The following LAMB1 variants were observed in gnomAD, a reference collection of about 807,000 sequenced individuals.
LAMB1 encodes laminin subunit beta-1.
In LAMB1, 121 loss-of-function variants were observed where a neutral mutation model predicts 222.3. The ratio of observed to expected loss-of-function variants is 0.54; its 90% CI spans 0.47 to 0.63. LAMB1 has a LOEUF of 0.63. LAMB1 is among the 30% of genes least tolerant of loss of function. The probability of loss-of-function intolerance (pLI) is 0.00; values close to 1 mark genes in which losing one functional copy is unlikely to be tolerated. For missense variants in LAMB1, 2,172 were observed against 2,240.8 expected (o/e 0.97, Z 0.62); for synonymous variants, 794 against 807.2 (o/e 0.98, Z 0.28).
At chr7:107,926,424 T>C in intron 31 of LAMB1, 65 bp from the exon 32 acceptor site, 1 of 1,373,802 alleles carries the variant, frequency 7.3e-7, no homozygotes, top group Non-Finnish European at 1.0e-6. Context: ...TGAGTACAAG[T>C]TTGGAGGAAG....
At chr7:107,972,664 A>G (rs975412059) in intron 13 of LAMB1, among the ~76,000 whole-genome samples, 7 of 152,150 alleles carry the variant, frequency 4.6e-5, no homozygotes, top group Admixed American at 1.3e-4. Flanking sequence ...CCATGTGCTT[A>G]GATTGTTGAA....
rs758623906 is a variant in LAMB1, at chr7:108,002,898, CAG to C, written c.-15_-14del. On this transcript the variant is annotated 5_prime_UTR_variant, in exon 2 of 34. Transcript: ENST00000222399. Reference sequence around the variant, plus strand: ...GGAGAAGCCCCATGCCGGCTCCCTGCAGCCACGGGGACGCGGCAGAGGAGTGG... The same window carrying C: ...GGAGAAGCCCCATGCCGGCTCCCTGCCCACGGGGACGCGGCAGAGGAGTGG... 7.2e-5 allele frequency: 116 copies of C among 1,613,846 alleles called. No homozygotes were observed. In the East Asian group the frequency reaches 2.4e-3, roughly 33 times the overall value.
intron 4 of LAMB1, among the ~76,000 whole-genome samples, chr7:107,996,789 CT>C (rs2034289268): frequency 6.6e-6 from 1 of 152,214 alleles, no homozygotes; most frequent in Admixed American, 6.5e-5. Context: ...GTTTCACTGT[CT>C]GCTGACTAAA....
Position 107,973,030 on chromosome 7 carries a change from T to A in LAMB1, c.1524A>T (p.Arg508=), listed in dbSNP as rs1275144291. Reference sequence around the variant, plus strand: ...CTCCCCCAAGGTCACAGTCACATGGTCGACATCCATCCAAATCATTGCTTA... The same window carrying A: ...CTCCCCCAAGGTCACAGTCACATGGACGACATCCATCCAAATCATTGCTTA... ...WGLSNDLDGC[R]PCDCDLGGAL... is the part of the protein sequence containing the mutation. Residue 508 remains arginine, a synonymous_variant, in exon 13 of 34, where the codon CGA becomes CGT. Coordinates refer to ENST00000222399, the MANE Select transcript of LAMB1 (RefSeq NM_002291.3). 4 of 1,613,978 alleles carry A rather than the reference T, an allele frequency of 2.5e-6. No individual in the cohort carries two copies. Among genetic ancestry groups the A allele is most frequent in the Non-Finnish European group, 3.4e-6 (4 of 1,179,958 alleles).
At chr7:107,953,979 C>G (rs1185257066) in intron 21 of LAMB1, among the ~76,000 whole-genome samples, 1 of 152,118 alleles carries the variant, frequency 6.6e-6, no homozygotes, top group African/African-American at 2.4e-5. Context: ...TAACTTTTTG[C>G]ACCAATCTAA....
chr7:107,924,795 TAAGGAAATCA>T (rs1346415213), intron 32 of LAMB1, among the ~76,000 whole-genome samples: 4 of 152,048 alleles, frequency 2.6e-5, no homozygotes, highest in Non-Finnish European at 5.9e-5. Context: ...GACTTGCTTA[TAAGGAAATCA>T]GAGGAAAAAG....
intron 7 of LAMB1, among the ~76,000 whole-genome samples, chr7:107,985,638 A>G (rs750846244): frequency 1.4e-5 from 2 of 146,270 alleles, no homozygotes; most frequent in African/African-American, 2.7e-5. Context: ...TCAAAAAAAC[A>G]AAACAAAACA....
intron 8 of LAMB1, among the ~76,000 whole-genome samples, 175 bp downstream of exon 8, chr7:107,980,434 A>G (rs2033949466): frequency 6.6e-6 from 1 of 152,230 alleles, no homozygotes; most frequent in African/African-American, 2.4e-5. Flanking sequence ...CGTGTCCAAG[A>G]AACTCTTCAA....
At chr7:107,961,869 C>A (rs80148008) in intron 15 of LAMB1, among the ~76,000 whole-genome samples, 193 bp from the exon 16 acceptor site, 1 of 152,154 alleles carries the variant, frequency 6.6e-6, no homozygotes, top group African/African-American at 2.4e-5. Flanking sequence ...GCTGAAACAC[C>A]TCTCAACTGT....
intron 14 of LAMB1, among the ~76,000 whole-genome samples, chr7:107,963,707 A>G (rs969228031): frequency 6.6e-6 from 1 of 152,190 alleles, no homozygotes; most frequent in African/African-American, 2.4e-5. Flanking sequence ...GTGACTTGTG[A>G]CCAACAGAAC....
In LAMB1 at chr7:107,975,365, C is replaced by T. The variant is rs1417553656; in HGVS notation, c.1238G>A (p.Ser413Asn). 1 of 1,613,812 alleles carries T rather than the reference C, an allele frequency of 6.2e-7. No homozygotes were observed. The highest frequency in any genetic ancestry group is 1.7e-5 in the Admixed American group (1 of 59,954). Residue 413 changes from serine (S) to asparagine (N), a missense_variant, in exon 11 of 34, where the codon AGC (serine) becomes AAC (asparagine). Ser to Asn is a conservative substitution (Grantham distance 46). Transcript: ENST00000222399. Reference sequence around the variant, plus strand: ...GAGACCAGTAGAAAAATCAGTATAGCTGTCACAAATTCCCTCATTTTGAGA... The same window carrying T: ...GAGACCAGTAGAAAAATCAGTATAGTTGTCACAAATTCCCTCATTTTGAGA... Reference protein sequence around the residue: ...AGSQNEGICDSYTDFSTGLIA... With the variant: ...AGSQNEGICDNYTDFSTGLIA...
chr7:107,947,061 C>T (rs913935910), intron 24 of LAMB1, among the ~76,000 whole-genome samples: 1 of 152,150 alleles, frequency 6.6e-6, no homozygotes. Context: ...GACAATGCAG[C>T]GCTCCAGGCT....
chr7:107,960,675 C>T, intron 17 of LAMB1, 26 bp from the exon 18 acceptor site: 1 of 1,602,584 alleles, frequency 6.2e-7, no homozygotes, highest in Non-Finnish European at 8.6e-7. Flanking sequence ...AACGGCCAAA[C>T]ATCCTTACAG....
Position 107,924,095 on chromosome 7 carries a change from G to GAGAT in LAMB1, c.5225-12_5225-9dup, listed in dbSNP as rs2032495862. On this transcript the variant is annotated splice_polypyrimidine_tract_variant and intron_variant, in intron 33 of 33. Coordinates refer to ENST00000222399, the MANE Select transcript of LAMB1 (RefSeq NM_002291.3). ...CATATTTTCTTTCTAAATCTGTGGGGAGATATATATATATAAAGTCTGAGC... is the reference window on the plus strand; with the variant it reads ...CATATTTTCTTTCTAAATCTGTGGGGAGATAGATATATATATATAAAGTCTGAGC... The GAGAT allele has an allele frequency of 2.6e-6, 4 of 1,525,154 alleles. No homozygotes were observed. The highest frequency in any genetic ancestry group is 1.8e-4 in the Middle Eastern group (1 of 5,660). 94.5% of individuals were successfully genotyped at this position (1,525,154 alleles called of 1,614,324 possible).
At position 107,964,627 on chromosome 7, in the gene LAMB1, G is replaced by A. The variant is rs372635480; in HGVS notation, c.1623C>T (p.Asn541=). The stretch of plus-strand genomic sequence containing the variant: ...CAAAGTAGTAACCAGGTTCCACTTC[G>A]TTGCACTGACGTCCAATCATGTGAG... ...CRPHMIGRQC[N]EVEPGYYFAT... is the part of the protein sequence containing the mutation. Residue 541 remains asparagine, a synonymous_variant, in exon 14 of 34, where the codon AAC becomes AAT. Transcript: ENST00000222399. The A allele has an allele frequency of 1.2e-5, 19 of 1,613,988 alleles. No individual in the cohort carries two copies. The highest frequency in any genetic ancestry group is 6.7e-5 in the African/African-American group (5 of 74,894).
At chr7:108,001,950 C>T (rs1228405929) in intron 2 of LAMB1, 13 of 1,453,916 alleles carry the variant, frequency 8.9e-6, no homozygotes, top group South Asian at 8.8e-5. Context: ...AACCCACACA[C>T]GTCATCAGGT....
intron 13 of LAMB1, among the ~76,000 whole-genome samples, chr7:107,969,763 A>G (rs1258964831): frequency 6.6e-6 from 1 of 152,222 alleles, no homozygotes; most frequent in Non-Finnish European, 1.5e-5. Flanking sequence ...TGAATACCAT[A>G]GGCAATTGTA....
At chr7:107,977,089 T>TTCCTTTCCTC (rs2033881756) in intron 9 of LAMB1, among the ~76,000 whole-genome samples, 1 of 149,788 alleles carries the variant, frequency 6.7e-6, no homozygotes, top group African/African-American at 2.5e-5. Flanking sequence ...CTCTCCTTCC[T>TTCCTTTCCTC]TCCTTTCCTC....
At chr7:107,950,199 C>T (rs1562984374) in intron 24 of LAMB1, among the ~76,000 whole-genome samples, 3 of 151,508 alleles carry the variant, frequency 2.0e-5, no homozygotes, top group Admixed American at 6.6e-5. Context: ...CACTGCATTC[C>T]GGCCTAGGTG....
Sources: allele counts gnomAD v4.1 joint callset (sites outside exome capture counted in the v4.1 genomes callset), GRCh38; gene constraint gnomAD v4.1.1; transcripts MANE v1.5; gene names NCBI Gene and HGNC (gene_info 2026-07-23, HGNC 2026-07-21).